The following FSTL1 variants were observed in gnomAD, a reference collection of about 807,000 sequenced individuals.
The protein encoded by FSTL1 is follistatin like 1, also known as follistatin-related protein 1.
In FSTL1, 24 loss-of-function variants were observed where a neutral mutation model predicts 45.9. The observed-to-expected ratio is 0.52, with a 90% CI of 0.38 to 0.74. FSTL1 has a LOEUF of 0.74. FSTL1 is among the 30% of genes least tolerant of loss of function. The pLI is 0.00. For missense variants in FSTL1, 340 were observed against 381.8 expected (o/e 0.89, Z 0.91); for synonymous variants, 120 against 137.6 (o/e 0.87, Z 0.89).
chr3:120,402,629 A>G (rs1936848357), intron 9 of FSTL1, among the ~76,000 whole-genome samples, 179 bp downstream of exon 9: 1 of 151,998 alleles, frequency 6.6e-6, no homozygotes, highest in Non-Finnish European at 1.5e-5. Flanking sequence ...CTATGGGATA[A>G]ATGTTCTGCC....
At chr3:120,431,216 C>A (rs1475919446) in intron 2 of FSTL1, among the ~76,000 whole-genome samples, 2 of 152,178 alleles carry the variant, frequency 1.3e-5, no homozygotes, top group Non-Finnish European at 2.9e-5. Context: ...AAGTGATCCA[C>A]CACCTCGGTC....
At position 120,393,401 on chromosome 3, in the gene FSTL1, AG is replaced by A. The variant is rs929895715; in HGVS notation, c.*3550del. ...TGAAAATGGCAGGTTGGAAAGCGTT[AG>A]TCATGTGTCCCCAAGCAAAAGAGGT... On this transcript the variant is annotated 3_prime_UTR_variant, in exon 11 of 11. Coordinates refer to ENST00000295633, the MANE Select transcript of FSTL1 (RefSeq NM_007085.5). 2 of 152,180 alleles carry A rather than the reference AG, an allele frequency of 1.3e-5. No homozygotes were observed. Among genetic ancestry groups the A allele is most frequent in the Non-Finnish European group, 2.9e-5 (2 of 68,054 alleles). The allele number at this position is 152,180 out of a possible 1,614,324, so 9.4% of individuals were successfully genotyped here. A position where few individuals can be genotyped will look rare whatever the true frequency, so the allele number is the denominator to read the frequency against.
rs1199909106 is a variant in FSTL1 at position 120,421,889 on chromosome 3, T to C, written c.64-5862A>G. Among the ~76,000 whole-genome samples, 6 of 152,334 alleles carry C rather than the reference T, an allele frequency of 3.9e-5. 1 individual carries two copies. The highest frequency in any genetic ancestry group is 1.4e-4 in the African/African-American group (6 of 41,574). The stretch of plus-strand genomic sequence containing the variant: ...TGGTTTAGGGAGGGCTAAAAAAATA[T>C]ACAATTATAAATGCAAATTGGGTAA... On this transcript the variant is annotated intron_variant, in intron 2 of 10. Coordinates refer to ENST00000295633, the MANE Select transcript of FSTL1 (RefSeq NM_007085.5).
chr3:120,403,534 C>A (rs983386699), intron 7 of FSTL1, among the ~76,000 whole-genome samples, 180 bp from the exon 8 acceptor site: 2 of 152,192 alleles, frequency 1.3e-5, no homozygotes, highest in African/African-American at 4.8e-5. Flanking sequence ...CTGACCAATG[C>A]AGGCATCTAA....
intron 2 of FSTL1, among the ~76,000 whole-genome samples, chr3:120,434,411 C>G (rs897643093): frequency 9.2e-5 from 14 of 152,166 alleles, no homozygotes; most frequent in African/African-American, 3.4e-4. Context: ...AGTCCCTTGC[C>G]TTCCTGAGGA....
chr3:120,436,922 G>T (rs554821522), intron 2 of FSTL1, among the ~76,000 whole-genome samples: 2 of 152,212 alleles, frequency 1.3e-5, no homozygotes, highest in South Asian at 2.1e-4. Context: ...TTGTGAGCTC[G>T]GCTGGGCCAC....
At chr3:120,412,035 AGACACACACACACACATACATG>A in intron 3 of FSTL1, 52 bp from the exon 4 acceptor site, 4 of 1,478,888 alleles carry the variant, frequency 2.7e-6, no homozygotes, top group Non-Finnish European at 2.8e-6. Context: ...ATCGACACAC[AGACACACACACACACATACATG>A]CACACACACA....
intron 2 of FSTL1, among the ~76,000 whole-genome samples, chr3:120,420,628 T>A (rs1160459687): frequency 1.3e-5 from 2 of 152,274 alleles, no homozygotes. Flanking sequence ...AGAAAGTATC[T>A]GAGCAACGGT....
At chr3:120,403,608 G>A (rs967351350) in intron 7 of FSTL1, among the ~76,000 whole-genome samples, 26 of 152,134 alleles carry the variant, frequency 1.7e-4, no homozygotes, top group Admixed American at 1.5e-3. Context: ...CCCTTAAGAT[G>A]ACTAAAGTTT....
intron 4 of FSTL1, 167 bp from the exon 5 acceptor site, chr3:120,411,151 T>TG: frequency 1.8e-6 from 1 of 564,200 alleles, no homozygotes; most frequent in Admixed American, 3.1e-5. Flanking sequence ...GGCCCAGGTA[T>TG]GAGGATCTTC....
chr3:120,433,948 T>G (rs1343238706), intron 2 of FSTL1, among the ~76,000 whole-genome samples: 1 of 152,196 alleles, frequency 6.6e-6, no homozygotes, highest in Non-Finnish European at 1.5e-5. Flanking sequence ...GTTTTAAAGG[T>G]ACTGATAAGT....
At chr3:120,405,530 G>A (rs528450338) in intron 6 of FSTL1, among the ~76,000 whole-genome samples, 2 of 152,268 alleles carry the variant, frequency 1.3e-5, no homozygotes, top group East Asian at 3.9e-4. Flanking sequence ...TTTGGTGCCC[G>A]TAACTGATCA....
At chr3:120,445,433 T>C (rs1046452432) in intron 2 of FSTL1, among the ~76,000 whole-genome samples, 1 of 149,328 alleles carries the variant, frequency 6.7e-6, no homozygotes, top group African/African-American at 2.6e-5. Context: ...ATAGCCATCT[T>C]TGGGCAGAGA....
intron 2 of FSTL1, among the ~76,000 whole-genome samples, chr3:120,447,108 C>G (rs1937765536): frequency 6.6e-6 from 1 of 152,142 alleles, no homozygotes. Context: ...AGGGTTCTCT[C>G]CAGCCTGCCA....
chr3:120,417,324 G>A (rs1387546669), intron 2 of FSTL1, among the ~76,000 whole-genome samples: 2 of 152,196 alleles, frequency 1.3e-5, no homozygotes, highest in Non-Finnish European at 2.9e-5. Context: ...TTCGAGCTGA[G>A]GTGCTGTATC....
chr3:120,435,480 G>A (rs188692902), intron 2 of FSTL1, among the ~76,000 whole-genome samples: 27 of 152,236 alleles, frequency 1.8e-4, no homozygotes, highest in Non-Finnish European at 3.7e-4. Flanking sequence ...TTTGGGGACA[G>A]TTCATTACAT....
At chr3:120,418,475 C>T (rs1427809144) in intron 2 of FSTL1, among the ~76,000 whole-genome samples, 2 of 152,010 alleles carry the variant, frequency 1.3e-5, no homozygotes, top group South Asian at 2.1e-4. Flanking sequence ...CATTACTAGC[C>T]CCATTTCACA....
At chr3:120,448,657 C>T (rs187773051) in intron 2 of FSTL1, among the ~76,000 whole-genome samples, 359 of 152,304 alleles carry the variant, frequency 2.4e-3, no homozygotes, top group Non-Finnish European at 4.5e-3. Flanking sequence ...ACTCTGTTTT[C>T]ACATCTCAGT....
In FSTL1 at chr3:120,395,890, C is replaced by A; in HGVS notation, c.*1062G>T. The A allele has an allele frequency of 2.9e-6, 1 of 339,464 alleles. No homozygotes were observed. The allele number at this position is 339,464 out of a possible 1,614,324, so 21.0% of individuals were successfully genotyped here. A position where few individuals can be genotyped will look rare whatever the true frequency, so the allele number is the denominator to read the frequency against. ...GTAGGCTGGGATATCCTAAGCCCTG[C>A]TTGGCTGCCCTTGTCGCCATCCTTG... On this transcript the variant is annotated 3_prime_UTR_variant, in exon 11 of 11. Coordinates refer to ENST00000295633, the MANE Select transcript of FSTL1 (RefSeq NM_007085.5).
Sources: allele counts gnomAD v4.1 joint callset (sites outside exome capture counted in the v4.1 genomes callset), GRCh38; gene constraint gnomAD v4.1.1; transcripts MANE v1.5; gene names NCBI Gene and HGNC (gene_info 2026-07-23, HGNC 2026-07-21).